PPP1R12B: variants seen among roughly 807,000 people sequenced by gnomAD.
The protein encoded by PPP1R12B is myosin phosphatase target subunit 2.
In PPP1R12B, 76 loss-of-function variants were observed where a neutral mutation model predicts 126.1. The ratio of observed to expected loss-of-function variants is 0.60; its 90% CI spans 0.50 to 0.73. The LOEUF (loss-of-function observed/expected upper bound fraction) is 0.73. PPP1R12B is among the 30% of genes least tolerant of loss of function. The pLI is 0.00. For missense variants in PPP1R12B, 1,052 were observed against 1,205.1 expected (o/e 0.87, Z 1.88); for synonymous variants, 356 against 434.7 (o/e 0.82, Z 2.25).
chr1:202,354,032 A>G lies in PPP1R12B; in HGVS notation c.291+4890A>G, dbSNP rs534552365. The stretch of plus-strand genomic sequence containing the variant: ...TGTCAATATATATGGATTAAGCACA[A>G]TTCTGCCAAAGGTAAGGAGTTGGAC... On this transcript the variant is annotated intron_variant, in intron 1 of 23. Coordinates refer to ENST00000608999, the MANE Select transcript of PPP1R12B (RefSeq NM_002481.4). 9.8e-5 allele frequency among the ~76,000 whole-genome samples: 15 copies of G among 152,342 alleles called. No individual in the cohort carries two copies. In the East Asian group the frequency reaches 1.7e-3, roughly 18 times the overall value.
chr1:202,378,319 C>T (rs1183707674), intron 1 of PPP1R12B, among the ~76,000 whole-genome samples: 1 of 145,926 alleles, frequency 6.9e-6, no homozygotes, highest in African/African-American at 2.5e-5. Context: ...TCAGTCTTAC[C>T]TGTCTTGCAA....
At chr1:202,576,306 T>A (rs945285824) in intron 23 of PPP1R12B, 3 of 152,244 alleles carry the variant, frequency 2.0e-5, no homozygotes, top group African/African-American at 7.2e-5. Context: ...TATCTCAAGA[T>A]GGTATGATGG....
At chr1:202,397,823 A>G (rs150791933) in intron 1 of PPP1R12B, among the ~76,000 whole-genome samples, 95 of 152,232 alleles carry the variant, frequency 6.2e-4, no homozygotes, top group African/African-American at 2.3e-3. Flanking sequence ...GCATGTAGCT[A>G]TTTTCTGGCA....
chr1:202,423,359 C>G (rs182930131), intron 3 of PPP1R12B, among the ~76,000 whole-genome samples: 6 of 151,826 alleles, frequency 4.0e-5, no homozygotes, highest in African/African-American at 1.4e-4. Context: ...TTTTTTTAGT[C>G]CTTCTGCTAA....
chr1:202,504,286 G>A (rs530968073), intron 18 of PPP1R12B, among the ~76,000 whole-genome samples: 1 of 152,096 alleles, frequency 6.6e-6, no homozygotes, highest in South Asian at 2.1e-4. Flanking sequence ...CCAGCTACTC[G>A]GGAGGCTGAG....
intron 18 of PPP1R12B, among the ~76,000 whole-genome samples, chr1:202,547,297 A>G (rs1293763326): frequency 6.6e-6 from 1 of 152,210 alleles, no homozygotes; most frequent in Non-Finnish European, 1.5e-5. Flanking sequence ...GTTGCCTTTC[A>G]TCAGCTTTTT....
chr1:202,388,497 C>T (rs1663544737), intron 1 of PPP1R12B, among the ~76,000 whole-genome samples: 1 of 152,246 alleles, frequency 6.6e-6, no homozygotes, highest in South Asian at 2.1e-4. Context: ...TGAGCCACCA[C>T]GCCCAGCCTA....
Position 202,419,659 on chromosome 1 carries a change from A to G in PPP1R12B, c.422+2742A>G, listed in dbSNP as rs534899561. On this transcript the variant is annotated intron_variant, in intron 2 of 23. Coordinates refer to ENST00000608999, the MANE Select transcript of PPP1R12B (RefSeq NM_002481.4). This position sits in a 1 kb window ranked among gnomAD's most constrained non-coding sequence, Gnocchi z 4.6. ...ATCCAGTAGGGATGGAATAGATGTCAGAGTAGAGTGGTTAAGATATTTCAT... is the reference window on the plus strand; with the variant it reads ...ATCCAGTAGGGATGGAATAGATGTCGGAGTAGAGTGGTTAAGATATTTCAT... Among the ~76,000 whole-genome samples the G allele has an allele frequency of 1.3e-5, 2 of 152,324 alleles. No individual in the cohort carries two copies. The highest frequency in any genetic ancestry group is 3.9e-4 in the East Asian group (2 of 5,182).
At chr1:202,564,276 A>C (rs1687838947) in intron 20 of PPP1R12B, among the ~76,000 whole-genome samples, 167 bp from the exon 21 acceptor site, 1 of 152,140 alleles carries the variant, frequency 6.6e-6, no homozygotes, top group Non-Finnish European at 1.5e-5. Flanking sequence ...CACTTTGAAA[A>C]AGCAAGAGAC....
chr1:202,466,549 C>G (rs1275282331), intron 13 of PPP1R12B, among the ~76,000 whole-genome samples: 1 of 151,840 alleles, frequency 6.6e-6, no homozygotes, highest in African/African-American at 2.4e-5. Flanking sequence ...CTCATCCATT[C>G]TGATTGCTGC....
rs556203411 is a variant in PPP1R12B at position 202,508,690 on chromosome 1, T to A, written c.2490+11868T>A. ...CATGGGGCTGTTTATGGTGACTGAA[T>A]GCTGTATTTCTCATTTCTCGAAATG... On this transcript the variant is annotated intron_variant, in intron 18 of 23. Transcript: ENST00000608999. The surrounding 1 kb of genome is among the most constrained non-coding windows in gnomAD (Gnocchi z 4.5). Among the ~76,000 whole-genome samples the A allele has an allele frequency of 6.6e-6, 1 of 152,358 alleles. No individual in the cohort carries two copies. Among genetic ancestry groups the A allele is most frequent in the South Asian group, 2.1e-4 (1 of 4,828 alleles).
rs189120238 is a variant in PPP1R12B, at chr1:202,565,986, T to A, written c.2757+1439T>A. On this transcript the variant is annotated intron_variant, in intron 21 of 23. Transcript: ENST00000608999. This position sits in a 1 kb window ranked among gnomAD's most constrained non-coding sequence, Gnocchi z 4.3. ...TCTGAATGGCGCCACATATTGGCAG[T>A]GGTTTATAAATACAGATCTTATGCT... 5.2e-3 allele frequency among the ~76,000 whole-genome samples: 790 copies of A among 152,178 alleles called. 13 individuals carry two copies. The highest frequency in any genetic ancestry group is 9.5e-3 in the South Asian group (46 of 4,818).
chr1:202,501,446 C>T (rs1680218694), intron 18 of PPP1R12B, among the ~76,000 whole-genome samples: 1 of 152,112 alleles, frequency 6.6e-6, no homozygotes, highest in African/African-American at 2.4e-5. Context: ...TTTTCCAAGC[C>T]AATCCTGTTG....
At chr1:202,421,255 G>A (rs1668717506) in intron 2 of PPP1R12B, among the ~76,000 whole-genome samples, 1 of 150,836 alleles carries the variant, frequency 6.6e-6, no homozygotes, top group Admixed American at 6.6e-5. Flanking sequence ...GGCTCCATCT[G>A]CCAGTTCTTT....
rs114209048 is a variant in PPP1R12B, at chr1:202,569,125, C to T, written c.2812-22C>T. 910 of 1,610,446 alleles carry T rather than the reference C, an allele frequency of 5.7e-4. 6 individuals are homozygous for T. The African/African-American group carries it at 0.011, about 19-fold the overall frequency. On this transcript the variant is annotated intron_variant, in intron 22 of 23. Coordinates refer to ENST00000608999, the MANE Select transcript of PPP1R12B (RefSeq NM_002481.4). ...CCCTTCTGAATTCAATAATGTTCAA[C>T]AGTCTCATTGTTCCGAAACAGGAGA... is the stretch of plus-strand genomic sequence containing the variant.
intron 18 of PPP1R12B, among the ~76,000 whole-genome samples, chr1:202,520,674 G>A (rs1050562640): frequency 6.6e-6 from 1 of 152,102 alleles, no homozygotes; most frequent in African/African-American, 2.4e-5. Context: ...TTACAGACTG[G>A]TGAGATCAGG....
At chr1:202,366,294 A>C (rs553719094) in intron 1 of PPP1R12B, among the ~76,000 whole-genome samples, 9 of 152,026 alleles carry the variant, frequency 5.9e-5, no homozygotes, top group African/African-American at 2.2e-4. Flanking sequence ...TGAGGCGGGC[A>C]GATCACTTGA....
At chr1:202,438,678 C>T (rs946624595) in intron 10 of PPP1R12B, 15 of 589,516 alleles carry the variant, frequency 2.5e-5, no homozygotes, top group Non-Finnish European at 2.2e-5. Context: ...GTCCCAGGGC[C>T]GCCGGGTTCA....
Position 202,589,195 on chromosome 1 carries a change from A to C in PPP1R12B, c.*8635A>C, listed in dbSNP as rs1210501992. ...GTTAAATCTAAACTCAAAATGAAGG[A>C]GCCATGCCCAGAGAAGAGCTGTTCA... On this transcript the variant is annotated 3_prime_UTR_variant, in exon 24 of 24. Coordinates refer to ENST00000608999, the MANE Select transcript of PPP1R12B (RefSeq NM_002481.4). 6.6e-6 allele frequency: 1 copy of C among 152,236 alleles called. No individual in the cohort carries two copies. Among genetic ancestry groups the C allele is most frequent in the African/African-American group, 2.4e-5 (1 of 41,450 alleles). 9.4% of individuals were successfully genotyped at this position (152,236 alleles called of 1,614,324 possible). A position where few individuals can be genotyped will look rare whatever the true frequency, so the allele number is the denominator to read the frequency against.
Sources: gnomAD v4.1 joint callset for allele counts (sites outside exome capture counted in the v4.1 genomes callset) on GRCh38, gnomAD v4.1.1 for gene constraint, Gnocchi (gnomAD v3.1) non-coding constraint, MANE v1.5 for transcripts, NCBI Gene and HGNC (gene_info 2026-07-23, HGNC 2026-07-21) for gene names.